The following M1AP variants were observed in gnomAD, a reference collection of about 807,000 sequenced individuals.
The protein encoded by M1AP is meiosis 1 associated protein.
M1AP carries 39 observed loss-of-function variants against 51.2 expected under a neutral mutation model. That is an observed-to-expected ratio of 0.76 (90% CI 0.59 to 1.00). The LOEUF (loss-of-function observed/expected upper bound fraction) is 1.00, where lower values mean the gene tolerates loss of function less well. Ranked by LOEUF, M1AP falls within the 50% of genes least tolerant of loss-of-function variation. The pLI, the probability that M1AP is intolerant of heterozygous loss-of-function variation, is 0.00. For missense variants in M1AP, 545 were observed against 641.2 expected (o/e 0.85, Z 1.62); for synonymous variants, 251 against 249.2 (o/e 1.01, Z -0.07).
chr2:74,600,985 AT>A (rs1034080810), intron 4 of M1AP, among the ~76,000 whole-genome samples: 1 of 152,158 alleles, frequency 6.6e-6, no homozygotes, highest in African/African-American at 2.4e-5. Flanking sequence ...AGTAGATGAC[AT>A]TTATTTGTTT....
intron 7 of M1AP, among the ~76,000 whole-genome samples, chr2:74,568,077 C>T (rs557013486): frequency 2.6e-5 from 4 of 152,284 alleles, no homozygotes; most frequent in East Asian, 3.9e-4. Flanking sequence ...CTAATCACTA[C>T]GACTTAAGGG....
At chr2:74,562,948 G>T (rs1218701084) in intron 7 of M1AP, among the ~76,000 whole-genome samples, 1 of 152,202 alleles carries the variant, frequency 6.6e-6, no homozygotes, top group Non-Finnish European at 1.5e-5. Context: ...GCAGTGTCTT[G>T]AAACCAAGAC....
intron 4 of M1AP, among the ~76,000 whole-genome samples, chr2:74,592,602 T>C (rs1366588863): frequency 6.6e-6 from 1 of 152,170 alleles, no homozygotes; most frequent in Admixed American, 6.5e-5. Context: ...GTTTTTCAGT[T>C]GTCTTTTGAC....
chr2:74,573,158 T>C (rs1354997887), intron 7 of M1AP, among the ~76,000 whole-genome samples: 1 of 151,952 alleles, frequency 6.6e-6, no homozygotes, highest in Non-Finnish European at 1.5e-5. Flanking sequence ...GCGATTCTCC[T>C]GCCTCAGCCT....
intron 4 of M1AP, among the ~76,000 whole-genome samples, chr2:74,604,662 G>A (rs1193356968): frequency 2.0e-5 from 3 of 152,212 alleles, no homozygotes; most frequent in Admixed American, 2.0e-4. Flanking sequence ...TGGCCCGGGG[G>A]TTGGAGATCC....
intron 7 of M1AP, among the ~76,000 whole-genome samples, chr2:74,563,839 A>T (rs1400566199): frequency 6.6e-6 from 1 of 152,196 alleles, no homozygotes; most frequent in Non-Finnish European, 1.5e-5. Flanking sequence ...ACTTCTGAGA[A>T]GATTTTGTAG....
intron 4 of M1AP, among the ~76,000 whole-genome samples, chr2:74,604,973 G>T (rs963383761): frequency 6.6e-6 from 1 of 152,088 alleles, no homozygotes; most frequent in East Asian, 1.9e-4. Flanking sequence ...ACTTTGGGAG[G>T]CCGAGGCGGG....
In M1AP at chr2:74,581,844, C is replaced by T. The variant is rs753289857; in HGVS notation, c.599G>A (p.Ser200Asn). 1.2e-6 allele frequency: 2 copies of T among 1,610,126 alleles called. No homozygotes were observed. The highest frequency in any genetic ancestry group is 3.3e-4 in the Middle Eastern group (2 of 6,038). The change falls in exon 5 of 11, where the codon AGT becomes AAT. Residue 200 changes from serine to asparagine, a missense_variant. Physicochemically the swap from Ser to Asn is conservative, Grantham distance 46. Transcript: ENST00000421985. ...SPVEDTSNDE[S>N]SILGTDIDLQ... ...GTCAATGTCAGTTCCCAGAATAGAA[C>T]TCTCTGCAAAAGAAAGGGAAATAAA...
In M1AP at chr2:74,640,314, G is replaced by T. The variant is rs1393198882; in HGVS notation, c.-39C>A. The T allele has an allele frequency of 6.2e-7, 1 of 1,610,828 alleles. No homozygotes were observed. The highest frequency in any genetic ancestry group is 1.7e-4 in the Middle Eastern group (1 of 6,022). ...GAGGGGGAACTGTAGCCACCAGCTG[G>T]ATATTCTTTACACCTATAGGGAAGG... On this transcript the variant is annotated 5_prime_UTR_variant, in exon 2 of 11. Transcript: ENST00000421985.
At chr2:74,597,627 A>G (rs1013547277) in intron 4 of M1AP, among the ~76,000 whole-genome samples, 1 of 152,232 alleles carries the variant, frequency 6.6e-6, no homozygotes, top group Non-Finnish European at 1.5e-5. Flanking sequence ...GGCAAAGTCT[A>G]GGAGGAAATA....
At chr2:74,564,303 G>A (rs1361596197) in intron 7 of M1AP, among the ~76,000 whole-genome samples, 1 of 152,196 alleles carries the variant, frequency 6.6e-6, no homozygotes, top group Non-Finnish European at 1.5e-5. Flanking sequence ...GCGGAGCTCT[G>A]AGGAGGTCTG....
At chr2:74,594,785 G>A (rs1680234764) in intron 4 of M1AP, among the ~76,000 whole-genome samples, 1 of 152,140 alleles carries the variant, frequency 6.6e-6, no homozygotes, top group South Asian at 2.1e-4. Context: ...ACGAAAGTGG[G>A]AGGATCATCT....
At chr2:74,597,482 C>A (rs1680412296) in intron 4 of M1AP, among the ~76,000 whole-genome samples, 1 of 152,152 alleles carries the variant, frequency 6.6e-6, no homozygotes, top group South Asian at 2.1e-4. Flanking sequence ...CCCACCCCAC[C>A]CCCAGCCCTT....
chr2:74,563,415 A>G (rs1488336676), intron 7 of M1AP, among the ~76,000 whole-genome samples: 2 of 151,964 alleles, frequency 1.3e-5, no homozygotes, highest in Admixed American at 1.3e-4. Flanking sequence ...CCTGACTAAC[A>G]TGGTGAAACT....
At chr2:74,584,470 A>C (rs1338682673) in intron 4 of M1AP, among the ~76,000 whole-genome samples, 3 of 151,528 alleles carry the variant, frequency 2.0e-5, no homozygotes, top group Non-Finnish European at 4.4e-5. Context: ...AAAAAAGAAA[A>C]AGAAACAGAA....
intron 2 of M1AP, among the ~76,000 whole-genome samples, chr2:74,622,085 A>T (rs1049918942): frequency 2.6e-5 from 4 of 151,784 alleles, no homozygotes; most frequent in Non-Finnish European, 5.9e-5. Context: ...ATGCCACTGC[A>T]CTCCAGCCTG....
chr2:74,625,832 T>C (rs1295246258), intron 2 of M1AP, among the ~76,000 whole-genome samples: 1 of 152,234 alleles, frequency 6.6e-6, no homozygotes, highest in Non-Finnish European at 1.5e-5. Context: ...CTCCTGCCTG[T>C]ACTAATGCCT....
Position 74,560,044 on chromosome 2 carries a change from C to T in M1AP, c.1422+107G>A, listed in dbSNP as rs1573050063. ...GTGGATCCTGGAGGAAGGCTACTCC[C>T]TTGGATGGGGGCGGTGTTGGGATGG... On this transcript the variant is annotated intron_variant, in intron 9 of 10. Coordinates refer to ENST00000421985, the MANE Select transcript of M1AP (RefSeq NM_001321739.2). The T allele has an allele frequency of 3.1e-5, 40 of 1,286,502 alleles. 1 individual carries two copies. In the East Asian group the frequency reaches 8.0e-4, roughly 26 times the overall value. The allele number at this position is 1,286,502 out of a possible 1,614,324, so 79.7% of individuals were successfully genotyped here. A position where few individuals can be genotyped will look rare whatever the true frequency, so the allele number is the denominator to read the frequency against.
At chr2:74,581,185 C>T (rs1679388735) in intron 5 of M1AP, among the ~76,000 whole-genome samples, 1 of 152,148 alleles carries the variant, frequency 6.6e-6, no homozygotes, top group East Asian at 1.9e-4. Context: ...ACAGGTTGTC[C>T]TCCCTGGGGC....
Sources: allele counts gnomAD v4.1 joint callset (sites outside exome capture counted in the v4.1 genomes callset), GRCh38; gene constraint gnomAD v4.1.1; transcripts MANE v1.5; gene names NCBI Gene and HGNC (gene_info 2026-07-23, HGNC 2026-07-21).